The following CLMN variants were observed in gnomAD, a reference collection of about 807,000 sequenced individuals.
CLMN encodes calmin (calponin-like, transmembrane).
CLMN carries 57 observed loss-of-function variants against 92.7 expected under a neutral mutation model. That is an observed-to-expected ratio of 0.61 (90% CI 0.50 to 0.77). The LOEUF (loss-of-function observed/expected upper bound fraction) is 0.77, where lower values mean the gene tolerates loss of function less well. CLMN is among the 30% of genes least tolerant of loss of function. CLMN has a pLI of 0.00. For missense variants in CLMN, 1,158 were observed against 1,237.5 expected (o/e 0.94, Z 0.96); for synonymous variants, 466 against 470.6 (o/e 0.99, Z 0.13).
intron 12 of CLMN, chr14:95,192,761 CA>C (rs1306916855): frequency 6.5e-6 from 1 of 153,710 alleles, no homozygotes; most frequent in Non-Finnish European, 1.4e-5. Flanking sequence ...CTTGGCCTCC[CA>C]AAGTGCTGGG....
intron 1 of CLMN, among the ~76,000 whole-genome samples, chr14:95,261,054 G>A (rs1005115634): frequency 3.9e-5 from 6 of 151,938 alleles, no homozygotes; most frequent in Non-Finnish European, 8.8e-5. Flanking sequence ...GGCCAACAGC[G>A]CTGTAACTCA....
intron 1 of CLMN, among the ~76,000 whole-genome samples, chr14:95,237,425 C>A (rs1344119468): frequency 6.6e-6 from 1 of 152,256 alleles, no homozygotes; most frequent in Non-Finnish European, 1.5e-5. Flanking sequence ...TGGGGTCACA[C>A]ACTAAGCGCT....
rs1595550147 is a variant in CLMN at position 95,193,995 on chromosome 14, C to T, written c.2770-76G>A. Reference sequence around the variant, plus strand: ...GAAATCTCTGAAACAGAAGATAAAACGATTTTAAACACACAAAGCCGAGCA... The same window carrying T: ...GAAATCTCTGAAACAGAAGATAAAATGATTTTAAACACACAAAGCCGAGCA... On this transcript the variant is annotated intron_variant, in intron 11 of 12. Transcript: ENST00000298912. 1.3e-5 allele frequency: 20 copies of T among 1,581,586 alleles called. No homozygotes were observed. In the East Asian group the frequency reaches 1.4e-4, roughly 11 times the overall value.
chr14:95,202,666 C>G (rs1313172163), intron 9 of CLMN, among the ~76,000 whole-genome samples, 172 bp downstream of exon 9: 4 of 152,226 alleles, frequency 2.6e-5, no homozygotes, highest in Non-Finnish European at 5.9e-5. Context: ...CAGGTGCCAA[C>G]CCTGCATTTG....
chr14:95,242,181 C>T (rs148732260), intron 1 of CLMN, among the ~76,000 whole-genome samples: 234 of 150,948 alleles, frequency 1.6e-3, no homozygotes, highest in African/African-American at 5.5e-3. Context: ...TGCCTGGGTC[C>T]CATTCTAGAC....
chr14:95,194,691 G>A lies in CLMN; in HGVS notation c.2709-95C>T, dbSNP rs2282275. On this transcript the variant is annotated intron_variant, in intron 10 of 12. Transcript: ENST00000298912. The surrounding 1 kb of genome is among the most constrained non-coding windows in gnomAD (Gnocchi z 4.0). ...CCCATCCTGGGGTTTCCACGTATGGGTTTAGGCAAGCGACAACTTCACAGC... is the reference window on the plus strand; with the variant it reads ...CCCATCCTGGGGTTTCCACGTATGGATTTAGGCAAGCGACAACTTCACAGC... The A allele has an allele frequency of 0.11, 120,285 of 1,110,146 alleles. 8,894 individuals are homozygous for A. Among genetic ancestry groups the A allele is most frequent in the East Asian group, 0.38 (16,142 of 41,950 alleles). 68.8% of individuals were successfully genotyped at this position (1,110,146 alleles called of 1,614,324 possible). A position where few individuals can be genotyped will look rare whatever the true frequency, so the allele number is the denominator to read the frequency against.
intron 2 of CLMN, among the ~76,000 whole-genome samples, chr14:95,227,598 C>T (rs1182689111): frequency 6.6e-6 from 1 of 152,218 alleles, no homozygotes; most frequent in African/African-American, 2.4e-5. Flanking sequence ...TTTCCATTGA[C>T]AGTTCCTATA....
intron 4 of CLMN, 40 bp from the exon 5 acceptor site, chr14:95,215,773 A>C (rs368091352): frequency 1.1e-5 from 16 of 1,444,680 alleles, no homozygotes; most frequent in Non-Finnish European, 1.5e-5. Context: ...CGAGGTGTCC[A>C]GGGAGGATAA....
chr14:95,209,748 G>C (rs1157017143), intron 7 of CLMN, among the ~76,000 whole-genome samples: 1 of 152,184 alleles, frequency 6.6e-6, no homozygotes, highest in African/African-American at 2.4e-5. Context: ...CCCTTCCACA[G>C]TAAGCAGCCA....
chr14:95,316,198 C>T (rs1163265592), intron 1 of CLMN, among the ~76,000 whole-genome samples: 2 of 152,214 alleles, frequency 1.3e-5, no homozygotes, highest in Non-Finnish European at 2.9e-5. Flanking sequence ...TATGTCCCTG[C>T]CTTCCCACAT....
At chr14:95,240,014 C>T (rs78905443) in intron 1 of CLMN, among the ~76,000 whole-genome samples, 20,739 of 152,092 alleles carry the variant, frequency 0.14, 2,470 homozygotes, top group African/African-American at 0.31. Context: ...GTTACAATTA[C>T]CTGCAGTATT....
In CLMN at chr14:95,259,272, G is replaced by C. The variant is rs1259657883; in HGVS notation, c.83-29139C>G. 2.0e-5 allele frequency among the ~76,000 whole-genome samples: 3 copies of C among 152,052 alleles called. No homozygotes were observed. Among genetic ancestry groups the C allele is most frequent in the African/African-American group, 7.3e-5 (3 of 41,370 alleles). ...ACCACTGCTCTTCCCCAATGTCAGTGGGAATGGAGGGGTAAACACATATGT... is the reference window on the plus strand; with the variant it reads ...ACCACTGCTCTTCCCCAATGTCAGTCGGAATGGAGGGGTAAACACATATGT... On this transcript the variant is annotated intron_variant, in intron 1 of 12. Coordinates refer to ENST00000298912, the MANE Select transcript of CLMN (RefSeq NM_024734.4). The surrounding 1 kb of genome is among the most constrained non-coding windows in gnomAD (Gnocchi z 4.3).
intron 1 of CLMN, among the ~76,000 whole-genome samples, chr14:95,302,255 G>A (rs780215422): frequency 4.6e-5 from 7 of 152,038 alleles, no homozygotes; most frequent in East Asian, 3.9e-4. Flanking sequence ...AGCCAAGATC[G>A]CGCCACTACA....
intron 1 of CLMN, among the ~76,000 whole-genome samples, chr14:95,316,623 A>G (rs1901785449): frequency 6.6e-6 from 1 of 152,240 alleles, no homozygotes; most frequent in South Asian, 2.1e-4. Flanking sequence ...GTTCAGCGTG[A>G]GAGATAAAAG....
intron 1 of CLMN, among the ~76,000 whole-genome samples, chr14:95,295,154 T>C (rs56276973): frequency 0.33 from 50,022 of 152,044 alleles, 8,654 homozygotes; most frequent in East Asian, 0.61. Context: ...TACGACCCTA[T>C]AATAAGCTCG....
intron 1 of CLMN, among the ~76,000 whole-genome samples, chr14:95,301,897 CCT>C (rs142795855): frequency 6.6e-6 from 1 of 152,344 alleles, no homozygotes; most frequent in East Asian, 1.9e-4. Flanking sequence ...CAACATGGTC[CCT>C]GAGTGCAGAC....
intron 1 of CLMN, among the ~76,000 whole-genome samples, chr14:95,235,121 T>TCTCA (rs1566884534): frequency 6.6e-6 from 1 of 150,704 alleles, no homozygotes; most frequent in African/African-American, 2.4e-5. Context: ...TCTCTCTCTC[T>TCTCA]CACACACACA....
intron 1 of CLMN, among the ~76,000 whole-genome samples, chr14:95,295,261 C>T (rs372633431): frequency 2.6e-5 from 4 of 152,310 alleles, no homozygotes; most frequent in Non-Finnish European, 5.9e-5. Flanking sequence ...TCAGTCTAAT[C>T]GAAGAGGGTA....
intron 1 of CLMN, among the ~76,000 whole-genome samples, chr14:95,248,963 G>C (rs377494587): frequency 6.6e-6 from 1 of 151,924 alleles, no homozygotes; most frequent in African/African-American, 2.4e-5. Flanking sequence ...ACCAATCGGG[G>C]GAAATATTTA....
Sources: allele counts gnomAD v4.1 joint callset (sites outside exome capture counted in the v4.1 genomes callset), GRCh38; gene constraint gnomAD v4.1.1; non-coding constraint Gnocchi (gnomAD v3.1); transcripts MANE v1.5; gene names NCBI Gene and HGNC (gene_info 2026-07-23, HGNC 2026-07-21).